CDH11: variants seen among roughly 807,000 people sequenced by gnomAD.
The protein encoded by CDH11 is cadherin-11.
Under a neutral mutation model 67.8 loss-of-function variants are expected in CDH11, and 11 were observed. The observed-to-expected ratio is 0.16, with a 90% CI of 0.10 to 0.27. CDH11 has a LOEUF of 0.27. Ranked by LOEUF, CDH11 falls within the 10% of genes least tolerant of loss-of-function variation. CDH11 has a pLI of 1.00. For synonymous variants in CDH11, 419 were observed against 400.0 expected (o/e 1.05, Z -0.57); for missense variants, 847 against 1,031.2 (o/e 0.82, Z 2.45).
intron 4 of CDH11, among the ~76,000 whole-genome samples, chr16:64,993,791 G>C (rs1567515141): frequency 6.6e-6 from 1 of 152,116 alleles, no homozygotes; most frequent in Non-Finnish European, 1.5e-5. Context: ...CTGGGGCATG[G>C]CATGTTGGGC....
intron 11 of CDH11, among the ~76,000 whole-genome samples, chr16:64,966,676 A>C (rs2071837502): frequency 7.2e-6 from 1 of 139,346 alleles, no homozygotes. Context: ...ATAAGAAAGA[A>C]GAAAAGATAA....
At chr16:65,021,457 G>A (rs2073421793) in intron 2 of CDH11, among the ~76,000 whole-genome samples, 1 of 151,152 alleles carries the variant, frequency 6.6e-6, no homozygotes, top group Admixed American at 6.6e-5. Flanking sequence ...AAGACAAAAG[G>A]GAGAAAAACA....
intron 1 of CDH11, among the ~76,000 whole-genome samples, chr16:65,110,949 G>A (rs2075147118): frequency 6.6e-6 from 1 of 152,124 alleles, no homozygotes; most frequent in Admixed American, 6.6e-5. Flanking sequence ...CCATGGTTTT[G>A]AATCACTTAA....
At chr16:64,968,513 G>A in intron 11 of CDH11, 1 of 985,314 alleles carries the variant, frequency 1.0e-6, no homozygotes. Context: ...CTTAAATGTT[G>A]AAGAATCATC....
intron 1 of CDH11, among the ~76,000 whole-genome samples, chr16:65,096,049 A>T (rs891624034): frequency 2.6e-5 from 4 of 152,222 alleles, no homozygotes; most frequent in African/African-American, 9.6e-5. Context: ...ATTTCTCTAC[A>T]TGCTCTGATA....
chr16:65,000,548 G>C (rs2072893765), intron 3 of CDH11, among the ~76,000 whole-genome samples: 2 of 152,310 alleles, frequency 1.3e-5, no homozygotes, highest in Middle Eastern at 3.4e-3. Flanking sequence ...TGTAATCTCA[G>C]CACTTTGGGA....
chr16:65,045,359 A>ATC (rs2073942471), intron 2 of CDH11, among the ~76,000 whole-genome samples: 1 of 96,282 alleles, frequency 1.0e-5, no homozygotes, highest in South Asian at 3.3e-4. Context: ...ATATATATAT[A>ATC]TATATATATA....
chr16:64,968,646 A>C, intron 11 of CDH11: 1 of 695,244 alleles, frequency 1.4e-6, no homozygotes, highest in Non-Finnish European at 1.8e-6. Flanking sequence ...TATATTTCTA[A>C]AAACGCTGAA....
rs1030012202 is a variant in CDH11, at chr16:65,109,105, C to A, written c.-298+12775G>T. Among the ~76,000 whole-genome samples, 48 of 152,090 alleles carry A rather than the reference C, an allele frequency of 3.2e-4. 1 individual carries two copies. The highest frequency in any genetic ancestry group is 1.2e-3 in the African/African-American group (48 of 41,402). On this transcript the variant is annotated intron_variant, in intron 1 of 12. Coordinates refer to ENST00000268603, the MANE Select transcript of CDH11 (RefSeq NM_001797.4). ...GAGGTTGTAGTGAGCTGAGACAGCGCCACTCTACTCCAGCCTGGGTGATAG... is the reference window on the plus strand; with the variant it reads ...GAGGTTGTAGTGAGCTGAGACAGCGACACTCTACTCCAGCCTGGGTGATAG...
chr16:64,971,514 G>T, intron 11 of CDH11, 65 bp downstream of exon 11: 4 of 876,778 alleles, frequency 4.6e-6, no homozygotes, highest in Non-Finnish European at 7.5e-6. Flanking sequence ...CTTGTGCTAT[G>T]CAATGTAAAC....
In CDH11 at chr16:64,944,134, A is replaced by C. The variant is rs2071155385; in HGVS notation, c.*3469T>G. The C allele has an allele frequency of 1.7e-5, 4 of 232,672 alleles. No individual in the cohort carries two copies. The highest frequency in any genetic ancestry group is 2.5e-5 in the Non-Finnish European group (3 of 117,788). 14.4% of individuals were successfully genotyped at this position (232,672 alleles called of 1,614,324 possible). On this transcript the variant is annotated 3_prime_UTR_variant, in exon 13 of 13. Coordinates refer to ENST00000268603, the MANE Select transcript of CDH11 (RefSeq NM_001797.4). ...AAAGCAATAAAATAAAGGCATCAGA[A>C]TTCATTTTAAGTCTTTGGGAAGCCA...
At chr16:65,069,696 T>C (rs1430793716) in intron 1 of CDH11, among the ~76,000 whole-genome samples, 1 of 152,206 alleles carries the variant, frequency 6.6e-6, no homozygotes, top group Non-Finnish European at 1.5e-5. Context: ...AAATTAAATA[T>C]TGATACCATC....
intron 4 of CDH11, among the ~76,000 whole-genome samples, chr16:64,995,124 A>C (rs149674915): frequency 1.9e-3 from 286 of 152,228 alleles, no homozygotes; most frequent in Non-Finnish European, 3.0e-3. Context: ...TGAGCATAGA[A>C]TGTTTTCCCA....
At position 64,973,026 on chromosome 16, in the gene CDH11, C is replaced by T. The variant is rs202032642; in HGVS notation, c.1268G>A (p.Arg423His). The change falls in exon 9 of 13, where the codon CGT (arginine) becomes CAT (histidine). Residue 423 changes from arginine (R) to histidine (H), a missense_variant. By Grantham distance (29) the Arg-to-His change is conservative (BLOSUM62 0). Transcript: ENST00000268603. ...ANSPIRYSIDRHTDLDRFFTI... is the reference protein window; with the variant it reads ...ANSPIRYSIDHHTDLDRFFTI... ...GAAAAATCTGTCGAGGTCAGTGTGA[C>T]GATCGATGGAATACCTAAGCAGAAT... The T allele has an allele frequency of 1.2e-4, 199 of 1,613,328 alleles. No homozygotes were observed. Among genetic ancestry groups the T allele is most frequent in the Non-Finnish European group, 1.6e-4 (188 of 1,179,746 alleles).
At chr16:64,988,075 C>T (rs532636274) in intron 7 of CDH11, 82 bp downstream of exon 7, 12 of 1,131,884 alleles carry the variant, frequency 1.1e-5, no homozygotes, top group South Asian at 1.1e-4. Flanking sequence ...ATTTCTTAAC[C>T]GTCGCCTCCC....
intron 2 of CDH11, among the ~76,000 whole-genome samples, chr16:65,037,906 C>T (rs1027024377): frequency 3.9e-5 from 6 of 152,280 alleles, no homozygotes; most frequent in Non-Finnish European, 8.8e-5. Flanking sequence ...ACTCCTGAGT[C>T]AGGCTGAATC....
chr16:65,026,932 T>A (rs1182909935), intron 2 of CDH11, among the ~76,000 whole-genome samples: 1 of 152,152 alleles, frequency 6.6e-6, no homozygotes, highest in Non-Finnish European at 1.5e-5. Context: ...GATAAATATC[T>A]TCTAATAAAT....
rs143578959 is a variant in CDH11, at chr16:64,976,017, G to C, written c.1254-2977C>G. Among the ~76,000 whole-genome samples the C allele has an allele frequency of 1.7e-3, 255 of 152,258 alleles. 2 individuals are homozygous for C. The highest frequency in any genetic ancestry group is 2.7e-3 in the Non-Finnish European group (183 of 68,012). ...GTCAGGGGTGGAAACAGCTGTTTTT[G>C]TTTTAAAGTATGTCACAATAATTAC... On this transcript the variant is annotated intron_variant, in intron 8 of 12. Coordinates refer to ENST00000268603, the MANE Select transcript of CDH11 (RefSeq NM_001797.4).
intron 1 of CDH11, among the ~76,000 whole-genome samples, chr16:65,111,809 C>T (rs555471998): frequency 1.0e-3 from 153 of 152,066 alleles, no homozygotes; most frequent in Non-Finnish European, 1.8e-3. Flanking sequence ...CGGTGGTTCA[C>T]GCCTGTAATC....
Sources: allele counts gnomAD v4.1 joint callset (sites outside exome capture counted in the v4.1 genomes callset), GRCh38; gene constraint gnomAD v4.1.1; transcripts MANE v1.5; gene names NCBI Gene and HGNC (gene_info 2026-07-23, HGNC 2026-07-21).